BICD1: variants seen among roughly 807,000 people sequenced by gnomAD.
BICD1 encodes BICD cargo adaptor 1.
In BICD1, 35 loss-of-function variants were observed where a neutral mutation model predicts 92.5. That is an observed-to-expected ratio of 0.38 (90% CI 0.29 to 0.50). BICD1 has a LOEUF of 0.50. Among genes scored for constraint, BICD1 ranks in the 20% least tolerant of loss-of-function variants. BICD1 has a pLI of 0.93. For missense variants in BICD1, 950 were observed against 1,189.8 expected, an observed-to-expected ratio of 0.80 and a Z score of 2.97; for synonymous variants, 429 against 465.1, an observed-to-expected ratio of 0.92 and a Z score of 1.00.
chr12:32,377,793 G>A lies in BICD1; in HGVS notation c.*166G>A, dbSNP rs1940035372. 2 of 554,772 alleles carry A rather than the reference G, an allele frequency of 3.6e-6. No individual in the cohort carries two copies. The highest frequency in any genetic ancestry group is 3.8e-5 in the African/African-American group (2 of 53,174). 34.4% of individuals were successfully genotyped at this position (554,772 alleles called of 1,614,324 possible). A position where few individuals can be genotyped will look rare whatever the true frequency, so the allele number is the denominator to read the frequency against. On this transcript the variant is annotated 3_prime_UTR_variant, in exon 10 of 10. Transcript: ENST00000652176. ...AAAGTTGAGAAGAACACGAAGCACA[G>A]ACCCTGATGTGATAAAACATTTTGT...
intron 2 of BICD1, among the ~76,000 whole-genome samples, chr12:32,245,978 C>T (rs1296961061): frequency 2.5e-5 from 3 of 120,908 alleles, no homozygotes; most frequent in Admixed American, 1.1e-4. Context: ...TGCAGTGAGC[C>T]GAGATCGTGT....
At chr12:32,112,438 G>C (rs10743777) in intron 1 of BICD1, among the ~76,000 whole-genome samples, 1 of 152,000 alleles carries the variant, frequency 6.6e-6, no homozygotes, top group African/African-American at 2.4e-5. Flanking sequence ...TGGTTTGAAG[G>C]TTTCTTCAGA....
chr12:32,122,048 T>C (rs1442743468), intron 1 of BICD1, among the ~76,000 whole-genome samples: 2 of 152,092 alleles, frequency 1.3e-5, no homozygotes, highest in African/African-American at 4.8e-5. Context: ...ACTGTTGGAC[T>C]CAAGACATCT....
At chr12:32,362,272 A>G (rs531776364) in intron 8 of BICD1, among the ~76,000 whole-genome samples, 26 of 152,354 alleles carry the variant, frequency 1.7e-4, no homozygotes, top group Admixed American at 1.0e-3. Context: ...AGGCAGGAGA[A>G]TTGCTTGAAC....
At chr12:32,349,918 A>G (rs149494380) in intron 8 of BICD1, among the ~76,000 whole-genome samples, 13 of 152,350 alleles carry the variant, frequency 8.5e-5, no homozygotes, top group African/African-American at 2.9e-4. Flanking sequence ...TTACATATCT[A>G]AAAGTATATT....
At chr12:32,359,525 A>G (rs532164735) in intron 8 of BICD1, among the ~76,000 whole-genome samples, 3 of 151,490 alleles carry the variant, frequency 2.0e-5, no homozygotes, top group African/African-American at 7.2e-5. Context: ...TGAATCCATT[A>G]ACCCATGAAT....
At chr12:32,295,010 A>T (rs1239656546) in intron 3 of BICD1, among the ~76,000 whole-genome samples, 1 of 146,132 alleles carries the variant, frequency 6.8e-6, no homozygotes, top group Non-Finnish European at 1.5e-5. Context: ...TGAACCCAGG[A>T]TGCGGAGGTT....
intron 2 of BICD1, among the ~76,000 whole-genome samples, chr12:32,278,885 A>C (rs1253421317): frequency 6.6e-6 from 1 of 151,968 alleles, no homozygotes; most frequent in Non-Finnish European, 1.5e-5. Flanking sequence ...ATAAATAAAT[A>C]AATAAATAAA....
intron 1 of BICD1, among the ~76,000 whole-genome samples, chr12:32,129,923 T>C (rs1342099997): frequency 6.6e-6 from 1 of 152,194 alleles, no homozygotes; most frequent in Non-Finnish European, 1.5e-5. Context: ...GACTGACTTA[T>C]TTGGTTTTAG....
At chr12:32,148,990 A>G (rs182271292) in intron 1 of BICD1, among the ~76,000 whole-genome samples, 174 of 147,764 alleles carry the variant, frequency 1.2e-3, no homozygotes, top group Middle Eastern at 7.0e-3. Flanking sequence ...ACTGTACTCC[A>G]CCCTGGGTGA....
chr12:32,354,507 G>A (rs1276929556), intron 8 of BICD1, among the ~76,000 whole-genome samples: 4 of 152,114 alleles, frequency 2.6e-5, no homozygotes, highest in Middle Eastern at 3.2e-3. Flanking sequence ...AAGAGTATAC[G>A]CTATAATGGA....
chr12:32,225,819 G>C (rs1218435341), intron 2 of BICD1, among the ~76,000 whole-genome samples: 1 of 151,432 alleles, frequency 6.6e-6, no homozygotes, highest in Non-Finnish European at 1.5e-5. Context: ...ACGAGGTTTC[G>C]CCATGTTGAC....
chr12:32,301,414 C>A (rs1257897113), intron 3 of BICD1, among the ~76,000 whole-genome samples: 1 of 152,012 alleles, frequency 6.6e-6, no homozygotes, highest in Non-Finnish European at 1.5e-5. Flanking sequence ...GAGTCAGTCA[C>A]AGGGCAGGAG....
At chr12:32,372,725 A>G (rs758896755) in intron 9 of BICD1, among the ~76,000 whole-genome samples, 33 of 152,032 alleles carry the variant, frequency 2.2e-4, no homozygotes, top group Non-Finnish European at 2.9e-5. Flanking sequence ...AAAACAAAAT[A>G]CAAGAATTAG....
chr12:32,163,567 CTG>C (rs1373392640), intron 1 of BICD1, among the ~76,000 whole-genome samples: 1 of 152,074 alleles, frequency 6.6e-6, no homozygotes, highest in East Asian at 1.9e-4. Flanking sequence ...TCACTCAAGA[CTG>C]TATTATGAGC....
chr12:32,171,465 T>TCAAG (rs1232355170), intron 1 of BICD1, among the ~76,000 whole-genome samples: 2 of 152,190 alleles, frequency 1.3e-5, no homozygotes, highest in East Asian at 3.8e-4. Context: ...ATGCTTTCCT[T>TCAAG]TCCTTATCAC....
At chr12:32,168,889 G>A (rs908071502) in intron 1 of BICD1, among the ~76,000 whole-genome samples, 7 of 152,172 alleles carry the variant, frequency 4.6e-5, no homozygotes, top group Admixed American at 2.0e-4. Context: ...TTGAACCCGG[G>A]AGGCGGAGGT....
chr12:32,343,169 G>C (rs941650193), intron 8 of BICD1, among the ~76,000 whole-genome samples: 2 of 152,150 alleles, frequency 1.3e-5, no homozygotes, highest in Admixed American at 1.3e-4. Context: ...GTGCCTATCA[G>C]CCTTGATGAC....
At chr12:32,244,228 C>T (rs953629295) in intron 2 of BICD1, among the ~76,000 whole-genome samples, 4 of 152,158 alleles carry the variant, frequency 2.6e-5, no homozygotes, top group East Asian at 1.9e-4. Flanking sequence ...AGGCCTAAAA[C>T]GTTCCAATCT....
Sources: gnomAD v4.1 joint callset for allele counts (sites outside exome capture counted in the v4.1 genomes callset) on GRCh38, gnomAD v4.1.1 for gene constraint, MANE v1.5 for transcripts, NCBI Gene and HGNC (gene_info 2026-07-23, HGNC 2026-07-21) for gene names.